GFRA1: variants seen among roughly 807,000 people sequenced by gnomAD.
GFRA1 encodes GDNF family receptor alpha 1.
Under a neutral mutation model 51.6 loss-of-function variants are expected in GFRA1, and 16 were observed. That is an observed-to-expected ratio of 0.31 (90% confidence interval 0.21 to 0.47). The LOEUF (loss-of-function observed/expected upper bound fraction) is 0.47, where lower values mean the gene tolerates loss of function less well. GFRA1 is among the 20% of genes least tolerant of loss of function. The pLI is 1.00. For synonymous variants in GFRA1, 270 were observed against 241.3 expected (o/e 1.12, Z -1.10); for missense variants, 530 against 594.3 (o/e 0.89, Z 1.13).
chr10:116,236,238 C>A (rs1565670752), intron 4 of GFRA1, among the ~76,000 whole-genome samples: 1 of 152,124 alleles, frequency 6.6e-6, no homozygotes, highest in Non-Finnish European at 1.5e-5. Context: ...CCCTTCCATG[C>A]CTCGCCAGCT....
At chr10:116,206,964 CCAT>C (rs1964826683) in intron 5 of GFRA1, among the ~76,000 whole-genome samples, 3 of 152,258 alleles carry the variant, frequency 2.0e-5, no homozygotes, top group Admixed American at 1.3e-4. Flanking sequence ...TAATTCACCA[CCAT>C]GAGAGAAGCC....
chr10:116,204,233 G>A (rs1278479884), intron 5 of GFRA1, among the ~76,000 whole-genome samples: 1 of 152,236 alleles, frequency 6.6e-6, no homozygotes, highest in East Asian at 1.9e-4. Flanking sequence ...AGTGAGAGGA[G>A]GCTAGAATGA....
chr10:116,261,872 G>A (rs1351021526), intron 4 of GFRA1, among the ~76,000 whole-genome samples: 3 of 152,182 alleles, frequency 2.0e-5, no homozygotes, highest in Admixed American at 1.3e-4. Flanking sequence ...AAAAGGAGCA[G>A]ATGACTCTCA....
At chr10:116,197,144 C>T (rs1268799272) in intron 5 of GFRA1, among the ~76,000 whole-genome samples, 1 of 152,048 alleles carries the variant, frequency 6.6e-6, no homozygotes, top group Non-Finnish European at 1.5e-5. Context: ...CTGAAGTTCA[C>T]AGGTTGAAAC....
chr10:116,121,204 G>A (rs893882562), intron 6 of GFRA1, among the ~76,000 whole-genome samples: 5 of 152,210 alleles, frequency 3.3e-5, no homozygotes, highest in Non-Finnish European at 4.4e-5. Flanking sequence ...GGCACAAAAG[G>A]TTATGCTTCC....
intron 6 of GFRA1, among the ~76,000 whole-genome samples, chr10:116,104,719 T>G (rs2133943027): frequency 6.6e-6 from 1 of 152,298 alleles, no homozygotes; most frequent in Admixed American, 6.5e-5. Context: ...CGAAGCCACC[T>G]TGCATGAACA....
intron 9 of GFRA1, among the ~76,000 whole-genome samples, chr10:116,071,609 CTTA>C (rs1390721460): frequency 2.0e-5 from 3 of 152,206 alleles, no homozygotes; most frequent in African/African-American, 7.2e-5. Context: ...CAGTGAAGGT[CTTA>C]GATTCCTGGC....
chr10:116,134,770 T>A (rs1052942561), intron 5 of GFRA1, among the ~76,000 whole-genome samples: 1 of 152,214 alleles, frequency 6.6e-6, no homozygotes, highest in African/African-American at 2.4e-5. Context: ...TAAAGACAGT[T>A]CCCCTTGTTA....
chr10:116,246,989 T>C (rs1248033440), intron 4 of GFRA1, among the ~76,000 whole-genome samples: 2 of 152,194 alleles, frequency 1.3e-5, no homozygotes, highest in Non-Finnish European at 2.9e-5. Flanking sequence ...GAAGTGTACA[T>C]GGTAAAAGAT....
chr10:116,232,367 C>A (rs763049613), intron 4 of GFRA1, among the ~76,000 whole-genome samples: 30 of 152,098 alleles, frequency 2.0e-4, no homozygotes, highest in Non-Finnish European at 3.8e-4. Context: ...GCCTCGACTT[C>A]CCTTTAAATA....
chr10:116,254,621 A>C (rs1011268945), intron 4 of GFRA1, among the ~76,000 whole-genome samples: 22 of 152,316 alleles, frequency 1.4e-4, no homozygotes, highest in Non-Finnish European at 2.1e-4. Flanking sequence ...TGGCAACCAG[A>C]GCCAGCTTTC....
intron 4 of GFRA1, among the ~76,000 whole-genome samples, chr10:116,250,358 T>C (rs1968229597): frequency 6.6e-6 from 1 of 152,208 alleles, no homozygotes; most frequent in Non-Finnish European, 1.5e-5. Flanking sequence ...TTTTGTCTCC[T>C]AACACAGGCC....
intron 4 of GFRA1, among the ~76,000 whole-genome samples, chr10:116,230,896 G>A (rs1460993296): frequency 2.6e-5 from 4 of 152,180 alleles, no homozygotes; most frequent in Admixed American, 6.6e-5. Context: ...ATATGGGGCT[G>A]TGGAAAGACA....
intron 6 of GFRA1, among the ~76,000 whole-genome samples, chr10:116,118,962 C>G (rs1162762707): frequency 6.6e-6 from 1 of 152,270 alleles, no homozygotes; most frequent in African/African-American, 2.4e-5. Context: ...TGGCTTCACA[C>G]CCACCTCTGC....
At chr10:116,162,434 G>C (rs1959916447) in intron 5 of GFRA1, among the ~76,000 whole-genome samples, 1 of 152,204 alleles carries the variant, frequency 6.6e-6, no homozygotes, top group Non-Finnish European at 1.5e-5. Context: ...ACCTCTCCAA[G>C]CGGTACTCGC....
chr10:116,088,341 C>T (rs1473089356), intron 9 of GFRA1, among the ~76,000 whole-genome samples: 1 of 152,122 alleles, frequency 6.6e-6, no homozygotes, highest in Non-Finnish European at 1.5e-5. Flanking sequence ...CATGAGGCGA[C>T]AGCACAGTGC....
rs749611525 is a variant in GFRA1 at position 116,270,806 on chromosome 10, G to A, written c.334+16C>T. 1.5e-5 allele frequency: 24 copies of A among 1,604,388 alleles called. No homozygotes were observed. Among genetic ancestry groups the A allele is most frequent in the Non-Finnish European group, 2.0e-5 (24 of 1,173,466 alleles). On this transcript the variant is annotated intron_variant, in intron 3 of 10. Coordinates refer to ENST00000355422, the MANE Select transcript of GFRA1 (RefSeq NM_005264.8). ...GGGGAGGGACACGGGGTGGGGTGGG[G>A]AGGTTCCACGCGTACCCTGCAGGCT...
intron 2 of GFRA1, among the ~76,000 whole-genome samples, chr10:116,271,708 GTGCA>G (rs1843954096): frequency 6.6e-6 from 1 of 152,200 alleles, no homozygotes; most frequent in South Asian, 2.1e-4. Flanking sequence ...CTCTCTGGGG[GTGCA>G]GGGCCCTGGG....
chr10:116,251,922 T>C (rs925371243), intron 4 of GFRA1, among the ~76,000 whole-genome samples: 6 of 147,212 alleles, frequency 4.1e-5, no homozygotes, highest in African/African-American at 7.3e-5. Context: ...TCATTCCATG[T>C]TGTAAAAGCC....
Sources: gnomAD v4.1 joint callset for allele counts (sites outside exome capture counted in the v4.1 genomes callset) on GRCh38, gnomAD v4.1.1 for gene constraint, MANE v1.5 for transcripts, NCBI Gene and HGNC (gene_info 2026-07-23, HGNC 2026-07-21) for gene names.